Variants in PTPRN2 observed in about 807,000 individuals in gnomAD.
PTPRN2 encodes the protein receptor-type tyrosine-protein phosphatase N2.
Under a neutral mutation model 118.8 loss-of-function variants are expected in PTPRN2, and 74 were observed. The observed-to-expected ratio is 0.62, with a 90% CI of 0.52 to 0.76. The LOEUF (loss-of-function observed/expected upper bound fraction) is 0.76, where lower values mean the gene tolerates loss of function less well. Ranked by LOEUF, PTPRN2 falls within the 30% of genes least tolerant of loss-of-function variation. The probability of loss-of-function intolerance (pLI) is 0.00; values close to 1 mark genes in which losing one functional copy is unlikely to be tolerated. For missense variants in PTPRN2, 1,481 were observed against 1,394.4 expected, an observed-to-expected ratio of 1.06 and a Z score of -0.99; for synonymous variants, 641 against 608.0, an observed-to-expected ratio of 1.05 and a Z score of -0.80.
intron 22 of PTPRN2, 116 bp downstream of exon 22, chr7:157,548,830 G>A (rs1798453194): frequency 9.3e-7 from 1 of 1,079,828 alleles, no homozygotes; most frequent in African/African-American, 1.6e-5. Flanking sequence ...GGTCAGAGCA[G>A]AGCAATCGGT....
chr7:157,986,701 AG>A lies in PTPRN2; in HGVS notation c.1724-87965del, dbSNP rs2128838522. ...AATAGTGCTAAATTAGAAATAATGA[AG>A]GCTTCACTCTTCCACGGGGTTCTGC... On this transcript the variant is annotated intron_variant, in intron 11 of 22. Coordinates refer to ENST00000389418, the MANE Select transcript of PTPRN2 (RefSeq NM_002847.5). The surrounding 1 kb of genome is among the most constrained non-coding windows in gnomAD (Gnocchi z 4.5). 6.6e-6 allele frequency among the ~76,000 whole-genome samples: 1 copy of A among 152,274 alleles called. No homozygotes were observed. The highest frequency in any genetic ancestry group is 1.9e-4 in the East Asian group (1 of 5,172).
chr7:158,440,848 G>GT (rs2129433234), intron 2 of PTPRN2, among the ~76,000 whole-genome samples: 1 of 147,528 alleles, frequency 6.8e-6, no homozygotes, highest in Admixed American at 6.7e-5. Context: ...GGCAGTGACG[G>GT]GGGTGGTGGT....
At chr7:157,858,212 C>T (rs1228772070) in intron 12 of PTPRN2, among the ~76,000 whole-genome samples, 3 of 19,866 alleles carry the variant, frequency 1.5e-4, no homozygotes, top group Admixed American at 4.5e-4. Flanking sequence ...GCAGGGAGAG[C>T]CTCCCAGCCA....
intron 17 of PTPRN2, among the ~76,000 whole-genome samples, chr7:157,589,359 C>T (rs910154958): frequency 2.6e-5 from 4 of 152,348 alleles, no homozygotes; most frequent in East Asian, 1.9e-4. Flanking sequence ...CCACTGGACT[C>T]GAATGTCCCC....
intron 3 of PTPRN2, among the ~76,000 whole-genome samples, chr7:158,293,830 G>A (rs910930610): frequency 3.3e-5 from 5 of 151,518 alleles, no homozygotes; most frequent in African/African-American, 4.9e-5. Context: ...CAATATCACT[G>A]TCTTCCACCT....
At position 157,763,035 on chromosome 7, in the gene PTPRN2, C is replaced by T. The variant is rs1052381533; in HGVS notation, c.1789-80098G>A. Among the ~76,000 whole-genome samples, 16 of 152,104 alleles carry T rather than the reference C, an allele frequency of 1.1e-4. No homozygotes were observed. The South Asian group carries it at 1.7e-3, about 16-fold the overall frequency. ...GAGCCCACAGCCGCCCACTCACAGT[C>T]GGTCACAGGGCTAACCCTCCATCAG... On this transcript the variant is annotated intron_variant, in intron 12 of 22. Coordinates refer to ENST00000389418, the MANE Select transcript of PTPRN2 (RefSeq NM_002847.5). The surrounding 1 kb of genome is among the most constrained non-coding windows in gnomAD (Gnocchi z 4.9).
At chr7:158,373,151 A>G (rs1173136649) in intron 2 of PTPRN2, among the ~76,000 whole-genome samples, 4 of 152,232 alleles carry the variant, frequency 2.6e-5, no homozygotes, top group Non-Finnish European at 5.9e-5. Flanking sequence ...AGGAGCGTTA[A>G]CATCGGCATT....
intron 12 of PTPRN2, among the ~76,000 whole-genome samples, chr7:157,769,258 C>T (rs921058189): frequency 2.6e-5 from 4 of 152,262 alleles, no homozygotes; most frequent in Non-Finnish European, 5.9e-5. Flanking sequence ...AGGCCACTCC[C>T]GACGGCATCC....
At chr7:157,863,035 A>G (rs1424635451) in intron 12 of PTPRN2, 1 of 152,226 alleles carries the variant, frequency 6.6e-6, no homozygotes, top group East Asian at 1.9e-4. Context: ...CAGTTACAAG[A>G]AAGGACGGCA....
intron 12 of PTPRN2, among the ~76,000 whole-genome samples, chr7:157,771,082 A>G (rs1802774736): frequency 6.6e-6 from 1 of 152,230 alleles, no homozygotes. Flanking sequence ...ACTCGCTGCC[A>G]TTCTGTGAGG....
Position 157,861,016 on chromosome 7 carries a change from A to G in PTPRN2, c.1788+37657T>C, listed in dbSNP as rs962837862. 6.6e-6 allele frequency among the ~76,000 whole-genome samples: 1 copy of G among 152,188 alleles called. No individual in the cohort carries two copies. Among genetic ancestry groups the G allele is most frequent in the Non-Finnish European group, 1.5e-5 (1 of 68,028 alleles). ...TAAAGAAATGTGGCCCAGTCCAGGG[A>G]GCTGTGGAGAGGTGGGGGGCAGGGT... On this transcript the variant is annotated intron_variant, in intron 12 of 22. Coordinates refer to ENST00000389418, the MANE Select transcript of PTPRN2 (RefSeq NM_002847.5). The surrounding 1 kb of genome is among the most constrained non-coding windows in gnomAD (Gnocchi z 5.8).
rs189725179 is a variant in PTPRN2 at position 157,800,803 on chromosome 7, C to A, written c.1788+97870G>T. On this transcript the variant is annotated intron_variant, in intron 12 of 22. Transcript: ENST00000389418. ...CCGTCTCTACTAAAAATACAAAAAA[C>A]CAGCCGGGTGTGGTGGCGGGCACCT... 9.2e-3 allele frequency among the ~76,000 whole-genome samples: 1,391 copies of A among 151,802 alleles called. 30 individuals are homozygous for A. The highest frequency in any genetic ancestry group is 0.032 in the African/African-American group (1,337 of 41,400).
intron 11 of PTPRN2, among the ~76,000 whole-genome samples, chr7:157,917,833 T>A (rs1468950989): frequency 6.6e-6 from 1 of 152,196 alleles, no homozygotes; most frequent in African/African-American, 2.4e-5. Flanking sequence ...CTCCTTATTG[T>A]TCATCTCTAG....
intron 21 of PTPRN2, among the ~76,000 whole-genome samples, chr7:157,562,791 C>T (rs1799262110): frequency 6.8e-6 from 1 of 146,324 alleles, no homozygotes; most frequent in African/African-American, 2.6e-5. Context: ...TGTGCTCCCG[C>T]ATCACCACAG....
At chr7:157,597,741 T>C (rs1206902506) in intron 16 of PTPRN2, among the ~76,000 whole-genome samples, 2 of 152,140 alleles carry the variant, frequency 1.3e-5, no homozygotes, top group Admixed American at 6.6e-5. Flanking sequence ...GGGAGGGGGA[T>C]GGCTGAACAG....
intron 17 of PTPRN2, among the ~76,000 whole-genome samples, chr7:157,584,659 C>A (rs996114266): frequency 6.6e-6 from 1 of 152,224 alleles, no homozygotes; most frequent in Non-Finnish European, 1.5e-5. Flanking sequence ...AGCGTCCTCT[C>A]GTGGGCTGAA....
At chr7:157,694,812 A>C (rs1797688566) in intron 12 of PTPRN2, among the ~76,000 whole-genome samples, 1 of 152,006 alleles carries the variant, frequency 6.6e-6, no homozygotes, top group Admixed American at 6.6e-5. Context: ...TTTAATAATA[A>C]ATTTCAATTT....
At position 157,990,893 on chromosome 7, in the gene PTPRN2, G is replaced by T. The variant is rs1279431986; in HGVS notation, c.1723+90405C>A. On this transcript the variant is annotated intron_variant, in intron 11 of 22. Transcript: ENST00000389418. The surrounding 1 kb of genome is among the most constrained non-coding windows in gnomAD (Gnocchi z 4.3). ...ACTGGGGAGGGGGGCCGAGTCTCCA[G>T]TCAGGCAGAGAGAGCTGCTGGTGTC... Among the ~76,000 whole-genome samples the T allele has an allele frequency of 2.0e-5, 3 of 152,206 alleles. No homozygotes were observed. Among genetic ancestry groups the T allele is most frequent in the South Asian group, 4.1e-4 (2 of 4,828 alleles).
intron 12 of PTPRN2, among the ~76,000 whole-genome samples, chr7:157,846,513 C>A (rs964330381): frequency 4.6e-5 from 7 of 151,986 alleles, no homozygotes; most frequent in Admixed American, 4.6e-4. Flanking sequence ...ATTTTGGGGC[C>A]GGAACGGAGG....
Sources: gnomAD v4.1 joint callset for allele counts (sites outside exome capture counted in the v4.1 genomes callset) on GRCh38, gnomAD v4.1.1 for gene constraint, Gnocchi (gnomAD v3.1) non-coding constraint, MANE v1.5 for transcripts, NCBI Gene and HGNC (gene_info 2026-07-23, HGNC 2026-07-21) for gene names.